Variants in CHODL observed in about 807,000 individuals in gnomAD.
CHODL encodes chondrolectin.
Under a neutral mutation model 34.5 loss-of-function variants are expected in CHODL, and 29 were observed. That is an observed-to-expected ratio of 0.84 (90% confidence interval 0.63 to 1.15). CHODL has a LOEUF of 1.15. CHODL is among the 50% of genes most tolerant of loss of function. The pLI, the probability that CHODL is intolerant of heterozygous loss-of-function variation, is 0.00. For synonymous variants in CHODL, 125 were observed against 116.1 expected, an observed-to-expected ratio of 1.08 and a Z score of -0.49; for missense variants, 332 against 332.5, an observed-to-expected ratio of 1.00 and a Z score of 0.01.
intron 2 of CHODL, among the ~76,000 whole-genome samples, chr21:18,073,081 CCAT>C (rs1468116394): frequency 6.6e-6 from 1 of 152,056 alleles, no homozygotes; most frequent in Non-Finnish European, 1.5e-5. Context: ...ATATTACAAA[CCAT>C]CTCAGTGAAT....
intron 2 of CHODL, among the ~76,000 whole-genome samples, chr21:18,224,842 T>C (rs1026173313): frequency 5.3e-5 from 8 of 152,174 alleles, no homozygotes; most frequent in African/African-American, 9.6e-5. Context: ...CAACTTCTTA[T>C]AAGAAATATT....
intron 1 of CHODL, among the ~76,000 whole-genome samples, chr21:18,006,502 T>C (rs111427973): frequency 2.4e-4 from 37 of 152,296 alleles, no homozygotes; most frequent in African/African-American, 8.9e-4. Flanking sequence ...CACAGGAGCA[T>C]TGAGGGACAA....
At chr21:18,233,524 T>C (rs1443137106) in intron 2 of CHODL, among the ~76,000 whole-genome samples, 1 of 152,242 alleles carries the variant, frequency 6.6e-6, no homozygotes, top group Non-Finnish European at 1.5e-5. Flanking sequence ...CTATTAATTG[T>C]TGTTATTATT....
chr21:18,026,447 T>C (rs147599581), intron 1 of CHODL, among the ~76,000 whole-genome samples: 1 of 668 alleles, frequency 1.5e-3, no homozygotes, highest in Non-Finnish European at 3.2e-3. Context: ...TTCGACAAGC[T>C]TGGATCACTT....
At chr21:18,133,541 A>C (rs995493036) in intron 2 of CHODL, among the ~76,000 whole-genome samples, 5 of 152,132 alleles carry the variant, frequency 3.3e-5, no homozygotes, top group Non-Finnish European at 5.9e-5. Context: ...TTTATTCTGG[A>C]CAATCTTTAC....
At chr21:18,151,048 A>C (rs1040162806) in intron 2 of CHODL, among the ~76,000 whole-genome samples, 35 of 142,816 alleles carry the variant, frequency 2.5e-4, no homozygotes, top group African/African-American at 9.2e-4. Flanking sequence ...GCACCACTGC[A>C]CTCCAGACTG....
At chr21:18,236,929 G>A (rs559223411) in intron 2 of CHODL, among the ~76,000 whole-genome samples, 30 of 152,200 alleles carry the variant, frequency 2.0e-4, no homozygotes, top group African/African-American at 5.8e-4. Flanking sequence ...TGTTAGGCAT[G>A]GAGGATACAG....
intron 1 of CHODL, among the ~76,000 whole-genome samples, chr21:18,249,991 T>C (rs77855155): frequency 0.041 from 6,315 of 152,244 alleles, 426 homozygotes; most frequent in African/African-American, 0.15. Flanking sequence ...GGGACCTTTC[T>C]GCCATCTCTC....
intron 2 of CHODL, among the ~76,000 whole-genome samples, chr21:18,111,691 G>A (rs2065353661): frequency 6.6e-6 from 1 of 152,074 alleles, no homozygotes; most frequent in African/African-American, 2.4e-5. Context: ...CTGTCCACTG[G>A]CAAATGTTTC....
At chr21:18,005,052 A>G (rs1376579690) in intron 1 of CHODL, among the ~76,000 whole-genome samples, 2 of 152,186 alleles carry the variant, frequency 1.3e-5, no homozygotes, top group African/African-American at 2.4e-5. Flanking sequence ...CATTTTACAG[A>G]TAGAGAATAT....
chr21:17,956,812 C>T lies in CHODL; in HGVS notation c.-145+39412C>T, dbSNP rs138311924. Among the ~76,000 whole-genome samples, 239 of 138,952 alleles carry T rather than the reference C, an allele frequency of 1.7e-3. 15 individuals are homozygous for T. Among genetic ancestry groups the T allele is most frequent in the African/African-American group, 5.6e-3 (226 of 40,402 alleles). 91.2% of individuals were successfully genotyped at this position (138,952 alleles called of 152,430 possible). On this transcript the variant is annotated intron_variant, in intron 1 of 6. Transcript: ENST00000400127. ...CCCCTCAAAGGAAAGAAGAGATAAA[C>T]CCAAGAACATAGTTGCAAATTTTAA...
chr21:18,037,653 G>T lies in CHODL; in HGVS notation c.-45+9682G>T, dbSNP rs2064326724. Among the ~76,000 whole-genome samples, 4 of 151,734 alleles carry T rather than the reference G, an allele frequency of 2.6e-5. No individual in the cohort carries two copies. In the South Asian group the frequency reaches 8.3e-4, roughly 31 times the overall value. On this transcript the variant is annotated intron_variant, in intron 2 of 6. Transcript: ENST00000400127. ...TTAAATCAGTGATGGAGGATCACTT[G>T]CAGAAGCTCTCCAAGATCAGAGAGA...
intron 2 of CHODL, among the ~76,000 whole-genome samples, chr21:18,126,241 A>G (rs1305577800): frequency 1.3e-5 from 2 of 152,252 alleles, no homozygotes; most frequent in Non-Finnish European, 2.9e-5. Flanking sequence ...ATGCTTCACC[A>G]GCAAAAGGAT....
At chr21:18,241,911 G>A (rs1230590551), upstream of CHODL, among the ~76,000 whole-genome samples, 1 of 152,012 alleles carries the variant, frequency 6.6e-6, no homozygotes, top group African/African-American at 2.4e-5. Context: ...CCTTCTATTT[G>A]GGGGCTTGAA....
intron 2 of CHODL, among the ~76,000 whole-genome samples, chr21:18,051,703 A>G (rs2064518772): frequency 2.0e-5 from 3 of 151,942 alleles, no homozygotes; most frequent in Non-Finnish European, 4.4e-5. Flanking sequence ...GGCTTTAGTA[A>G]TTTAGTGAGT....
chr21:18,229,184 A>C (rs571584635), intron 2 of CHODL, among the ~76,000 whole-genome samples: 5 of 152,160 alleles, frequency 3.3e-5, no homozygotes, highest in Non-Finnish European at 5.9e-5. Context: ...TATCAGATGA[A>C]ATCAGGTGAA....
rs571919869 is a variant in CHODL, at chr21:17,939,867, G to A, written c.-145+22467G>A. ...GAACCCACTCTTAAGGCAATAAAACGTTCAATTTTATTACGTGTCTTATAA... is the reference window on the plus strand; with the variant it reads ...GAACCCACTCTTAAGGCAATAAAACATTCAATTTTATTACGTGTCTTATAA... On this transcript the variant is annotated intron_variant, in intron 1 of 6. Transcript: ENST00000400127. 5.3e-5 allele frequency among the ~76,000 whole-genome samples: 8 copies of A among 152,208 alleles called. No individual in the cohort carries two copies. The South Asian group carries it at 1.2e-3, about 24-fold the overall frequency.
At chr21:18,002,991 C>T (rs1169182690) in intron 1 of CHODL, among the ~76,000 whole-genome samples, 5 of 151,976 alleles carry the variant, frequency 3.3e-5, no homozygotes, top group East Asian at 3.9e-4. Flanking sequence ...GGCGAGGTGG[C>T]GGGCGCCTGT....
chr21:18,032,712 C>G (rs1259507323), intron 2 of CHODL, among the ~76,000 whole-genome samples: 1 of 151,594 alleles, frequency 6.6e-6, no homozygotes, highest in Admixed American at 6.6e-5. Context: ...CTTTTTTTTC[C>G]CCACTGAACA....
Sources: allele counts gnomAD v4.1 joint callset (sites outside exome capture counted in the v4.1 genomes callset), GRCh38; gene constraint gnomAD v4.1.1; transcripts MANE v1.5; gene names NCBI Gene and HGNC (gene_info 2026-07-23, HGNC 2026-07-21).